Variants in TTLL11 observed in about 807,000 individuals in gnomAD.
TTLL11 encodes the protein tubulin polyglutamylase TTLL11.
In TTLL11, 42 loss-of-function variants were observed where a neutral mutation model predicts 51.7. The observed-to-expected ratio is 0.81, with a 90% CI of 0.64 to 1.05. The LOEUF (loss-of-function observed/expected upper bound fraction) is 1.05, where lower values mean the gene tolerates loss of function less well. Ranked by LOEUF, TTLL11 falls within the 50% of genes least tolerant of loss-of-function variation. TTLL11 has a pLI of 0.00. For missense variants in TTLL11, 799 were observed against 940.4 expected (o/e 0.85, Z 1.97); for synonymous variants, 381 against 383.5 (o/e 0.99, Z 0.08).
intron 6 of TTLL11, among the ~76,000 whole-genome samples, chr9:121,887,990 G>A (rs1252032143): frequency 1.3e-5 from 2 of 152,148 alleles, no homozygotes; most frequent in Non-Finnish European, 2.9e-5. Flanking sequence ...AAGCTGCCCT[G>A]GCTATTGGAA....
In TTLL11 at chr9:121,873,831, C is replaced by CTTTTTTTTT. The variant is rs71508142; in HGVS notation, c.1482-3092_1482-3084dup. Among the ~76,000 whole-genome samples the CTTTTTTTTT allele has an allele frequency of 7.8e-5, 6 of 77,396 alleles. 1 individual carries two copies. The highest frequency in any genetic ancestry group is 2.9e-4 in the African/African-American group (5 of 16,978). The allele number at this position is 77,396 out of a possible 152,430, so 50.8% of individuals were successfully genotyped here. A position where few individuals can be genotyped will look rare whatever the true frequency, so the allele number is the denominator to read the frequency against. ...CAGGTGTGCACCACCATTAGCCTGA[C>CTTTTTTTTT]TTTTTTTTTTTTTTTTTTTTTTTGA... On this transcript the variant is annotated intron_variant, in intron 6 of 8. Coordinates refer to ENST00000321582, the MANE Select transcript of TTLL11 (RefSeq NM_001139442.2).
chr9:122,074,654 C>T (rs1439616706), intron 1 of TTLL11, among the ~76,000 whole-genome samples: 2 of 151,002 alleles, frequency 1.3e-5, no homozygotes, highest in Non-Finnish European at 2.9e-5. Context: ...ACAATCCCAG[C>T]ACTTTGGGAG....
rs974968883 is a variant in TTLL11 at position 121,821,204 on chromosome 9, T to A, written c.*1383A>T. On this transcript the variant is annotated 3_prime_UTR_variant, in exon 9 of 9. Transcript: ENST00000321582. The surrounding 1 kb of genome is among the most constrained non-coding windows in gnomAD (Gnocchi z 5.0). ...GAACCAGGTCAACTGCTCTTATCAG[T>A]TTGGGTCAGGAGTCAGGGACAGGAT... Among the ~76,000 whole-genome samples, 3 of 151,980 alleles carry A rather than the reference T, an allele frequency of 2.0e-5. No homozygotes were observed. In the South Asian group the frequency reaches 6.2e-4, roughly 32 times the overall value.
chr9:122,057,412 C>T (rs1220093787), intron 1 of TTLL11, among the ~76,000 whole-genome samples: 4 of 151,618 alleles, frequency 2.6e-5, no homozygotes, highest in Non-Finnish European at 5.9e-5. Context: ...ACCTCCGGCT[C>T]CCGGGTTCAA....
chr9:121,918,468 T>C (rs1462165831), intron 6 of TTLL11, among the ~76,000 whole-genome samples: 2 of 152,148 alleles, frequency 1.3e-5, no homozygotes, highest in African/African-American at 4.8e-5. Flanking sequence ...AATGCTTATT[T>C]AAATGGTGTC....
At chr9:122,074,425 A>G (rs1216489100) in intron 1 of TTLL11, among the ~76,000 whole-genome samples, 2 of 152,226 alleles carry the variant, frequency 1.3e-5, no homozygotes, top group African/African-American at 4.8e-5. Context: ...ACATATTGTC[A>G]TCATGAAGGT....
chr9:121,870,661 G>A lies in TTLL11; in HGVS notation c.1569C>T (p.Pro523=), dbSNP rs1360256788. The A allele has an allele frequency of 7.7e-6, 12 of 1,551,708 alleles. No individual in the cohort carries two copies. The highest frequency in any genetic ancestry group is 2.4e-5 in the East Asian group (1 of 40,922). ...LTSAPDCNAN[P]EAHLPSICLK... ...GGCAAATGGAAGGCAGGTGGGCTTCGGGGTTGGCGTTGCAGTCTGGAGCAC... is the reference window on the plus strand; with the variant it reads ...GGCAAATGGAAGGCAGGTGGGCTTCAGGGTTGGCGTTGCAGTCTGGAGCAC... The change falls in exon 7 of 9, where the codon CCC becomes CCT. Residue 523 remains proline, a synonymous_variant. Coordinates refer to ENST00000321582, the MANE Select transcript of TTLL11 (RefSeq NM_001139442.2).
At chr9:121,986,737 T>C (rs1167393013) in intron 4 of TTLL11, among the ~76,000 whole-genome samples, 2 of 152,078 alleles carry the variant, frequency 1.3e-5, no homozygotes, top group Non-Finnish European at 2.9e-5. Context: ...CTCTCTGGGT[T>C]TGAGGCTGCA....
intron 6 of TTLL11, among the ~76,000 whole-genome samples, chr9:121,898,436 C>T (rs1290189095): frequency 1.3e-5 from 2 of 152,232 alleles, no homozygotes; most frequent in Non-Finnish European, 2.9e-5. Context: ...ATAGGGATAG[C>T]AGAGGTGGCT....
intron 6 of TTLL11, among the ~76,000 whole-genome samples, chr9:121,960,356 G>T (rs1842179522): frequency 6.6e-6 from 1 of 152,156 alleles, no homozygotes; most frequent in Admixed American, 6.5e-5. Flanking sequence ...TGGACATTAG[G>T]TTGATTCCAG....
chr9:121,966,316 C>T (rs7024420), intron 6 of TTLL11, among the ~76,000 whole-genome samples: 12,010 of 152,186 alleles, frequency 0.079, 730 homozygotes, highest in African/African-American at 0.17. Flanking sequence ...TGCGTGGCAT[C>T]ATGATATCAA....
intron 6 of TTLL11, among the ~76,000 whole-genome samples, chr9:121,968,163 T>C (rs1179451381): frequency 6.6e-6 from 1 of 152,220 alleles, no homozygotes; most frequent in Admixed American, 6.5e-5. Flanking sequence ...ATATAACGTT[T>C]CCAGAATCCT....
rs1159111171 is a variant in TTLL11, at chr9:121,989,646, G to C, written c.818C>G (p.Thr273Ser). The change falls in exon 4 of 9, where the codon ACC (threonine) becomes AGC (serine). Residue 273 changes from threonine to serine, a missense_variant. Thr to Ser is a moderately conservative substitution (Grantham distance 58). Coordinates refer to ENST00000321582, the MANE Select transcript of TTLL11 (RefSeq NM_001139442.2). This position sits in a 1 kb window ranked among gnomAD's most constrained non-coding sequence, Gnocchi z 4.2. ...GACCACCGCTGGCCTGCTCTGGAGG[G>C]TCCCTGCCAGGCGGATGTCACTGGG... Reference protein sequence around the residue: ...KDPSDIRLAGTLQSRPAVVQE... With the variant: ...KDPSDIRLAGSLQSRPAVVQE... 6.2e-7 allele frequency: 1 copy of C among 1,614,022 alleles called. No individual in the cohort carries two copies. The highest frequency in any genetic ancestry group is 8.5e-7 in the Non-Finnish European group (1 of 1,180,032).
intron 6 of TTLL11, among the ~76,000 whole-genome samples, chr9:121,906,344 T>TAAA (rs10573918): frequency 2.4e-4 from 37 of 151,532 alleles, no homozygotes; most frequent in African/African-American, 8.0e-4. Flanking sequence ...TAATAATTTT[T>TAAA]AAAAAAAAAA....
intron 6 of TTLL11, among the ~76,000 whole-genome samples, chr9:121,951,134 C>T (rs1009112624): frequency 6.6e-6 from 1 of 152,164 alleles, no homozygotes; most frequent in Non-Finnish European, 1.5e-5. Context: ...CTAATGATTT[C>T]TCAGCATAAA....
In TTLL11 at chr9:121,989,195, C is replaced by G; in HGVS notation, c.1269G>C (p.Gln423His). 6.2e-7 allele frequency: 1 copy of G among 1,613,396 alleles called. No homozygotes were observed. The highest frequency in any genetic ancestry group is 8.5e-7 in the Non-Finnish European group (1 of 1,179,488). Residue 423 changes from glutamine to histidine, a missense_variant and splice_region_variant, in exon 4 of 9, where the codon CAG (glutamine) becomes CAC (histidine). Transcript: ENST00000321582. This position sits in a 1 kb window ranked among gnomAD's most constrained non-coding sequence, Gnocchi z 4.2. ...CAGGCTGGGAACTGGCAATGGTTAC[C>G]TGGAAGCACGTGGGGCCCGGCCTCC... ...PTGRPGPTCF[Q>H]ILGFDILLMK...
chr9:121,995,485 G>A lies in TTLL11; in HGVS notation c.694-5715C>T, dbSNP rs78187402. On this transcript the variant is annotated intron_variant, in intron 3 of 8. Coordinates refer to ENST00000321582, the MANE Select transcript of TTLL11 (RefSeq NM_001139442.2). This position sits in a 1 kb window ranked among gnomAD's most constrained non-coding sequence, Gnocchi z 4.4. Reference sequence around the variant, plus strand: ...GTAGAATCAGGGCACCTGGTGACTGGACAGATGTGAAAGGCGAGAGAGGAA... The same window carrying A: ...GTAGAATCAGGGCACCTGGTGACTGAACAGATGTGAAAGGCGAGAGAGGAA... 0.02 allele frequency among the ~76,000 whole-genome samples: 3,010 copies of A among 152,236 alleles called. 46 individuals are homozygous for A. Among genetic ancestry groups the A allele is most frequent in the Middle Eastern group, 0.034 (10 of 294 alleles).
chr9:121,822,865 C>T lies in TTLL11; in HGVS notation c.1855G>A (p.Ala619Thr), dbSNP rs1836627124. The T allele has an allele frequency of 1.3e-6, 2 of 1,550,382 alleles. No homozygotes were observed. The highest frequency in any genetic ancestry group is 2.0e-5 in the Admixed American group (1 of 50,818). Reference sequence around the variant, plus strand: ...AGGAAAAAGAAAGCTTCTACGAAGGCCTGCAGACACATCCCTGTGAACAAA... The same window carrying T: ...AGGAAAAAGAAAGCTTCTACGAAGGTCTGCAGACACATCCCTGTGAACAAA... ...DQRDSGMCLQAFVEAFFFLAQ... is the reference protein window; with the variant it reads ...DQRDSGMCLQTFVEAFFFLAQ... Residue 619 changes from alanine to threonine, a missense_variant, in exon 9 of 9, where the codon GCC becomes ACC. Coordinates refer to ENST00000321582, the MANE Select transcript of TTLL11 (RefSeq NM_001139442.2). This position sits in a 1 kb window ranked among gnomAD's most constrained non-coding sequence, Gnocchi z 5.8.
intron 8 of TTLL11, among the ~76,000 whole-genome samples, chr9:121,847,319 A>G (rs901326909): frequency 6.6e-6 from 1 of 152,126 alleles, no homozygotes; most frequent in African/African-American, 2.4e-5. Context: ...AAGCCTTAAG[A>G]TCAATAAAAT....
Sources: gnomAD v4.1 joint callset for allele counts (sites outside exome capture counted in the v4.1 genomes callset) on GRCh38, gnomAD v4.1.1 for gene constraint, Gnocchi (gnomAD v3.1) non-coding constraint, MANE v1.5 for transcripts, NCBI Gene and HGNC (gene_info 2026-07-23, HGNC 2026-07-21) for gene names.